Variants in LRMDA observed in about 807,000 individuals in gnomAD.
LRMDA encodes leucine-rich melanocyte differentiation-associated protein.
A neutral mutation model predicts 29.8 loss-of-function variants in LRMDA; 18 were observed. The observed-to-expected ratio is 0.60, with a 90% CI of 0.42 to 0.90. The LOEUF is 0.90. Among genes scored for constraint, LRMDA ranks in the 40% least tolerant of loss-of-function variants. The pLI is 0.00. For synonymous variants in LRMDA, 125 were observed against 109.4 expected (o/e 1.14, Z -0.89); for missense variants, 273 against 273.9 (o/e 1.00, Z 0.02).
At position 76,558,058 on chromosome 10, in the gene LRMDA, CT is replaced by C. The variant is rs1243113713; in HGVS notation, c.*771del. ...TTCAACTCTAAATCCACTTCTTGCC[CT>C]GAATATGATGCAGTGTAAGGCATAA... On this transcript the variant is annotated 3_prime_UTR_variant, in exon 7 of 7. Coordinates refer to ENST00000611255, the MANE Select transcript of LRMDA (RefSeq NM_001305581.2). 1 of 152,208 alleles carries C rather than the reference CT, an allele frequency of 6.6e-6. No individual in the cohort carries two copies. 9.4% of individuals were successfully genotyped at this position (152,208 alleles called of 1,614,324 possible). A position where few individuals can be genotyped will look rare whatever the true frequency, so the allele number is the denominator to read the frequency against.
intron 2 of LRMDA, among the ~76,000 whole-genome samples, chr10:76,001,582 TTC>T (rs1468197289): frequency 6.6e-6 from 1 of 152,158 alleles, no homozygotes; most frequent in African/African-American, 2.4e-5. Flanking sequence ...AATATAATGT[TTC>T]TTTCTGTTGA....
chr10:75,987,444 A>G (rs558923006), intron 2 of LRMDA, among the ~76,000 whole-genome samples: 1 of 152,360 alleles, frequency 6.6e-6, no homozygotes, highest in East Asian at 1.9e-4. Flanking sequence ...AACACAGAAC[A>G]TTTCCAGACA....
chr10:75,938,637 G>A (rs1022065016), intron 2 of LRMDA, among the ~76,000 whole-genome samples: 1 of 152,084 alleles, frequency 6.6e-6, no homozygotes, highest in Non-Finnish European at 1.5e-5. Flanking sequence ...TGTCTATAGC[G>A]GCAAGATGAT....
chr10:75,621,247 A>C lies in LRMDA; in HGVS notation c.131+182753A>C, dbSNP rs555572758. On this transcript the variant is annotated intron_variant, in intron 2 of 6. Transcript: ENST00000611255. ...ACACCCACACACCCACACACACACC[A>C]CATTTTCTTTATCCACTCATTGATT... Among the ~76,000 whole-genome samples, 41 of 149,662 alleles carry C rather than the reference A, an allele frequency of 2.7e-4. No individual in the cohort carries two copies. In the South Asian group the frequency reaches 8.8e-3, roughly 32 times the overall value.
At chr10:75,923,833 C>T (rs140792763) in intron 2 of LRMDA, among the ~76,000 whole-genome samples, 1,829 of 152,234 alleles carry the variant, frequency 0.012, 27 homozygotes, top group Non-Finnish European at 0.019. Context: ...TCCCTTACCC[C>T]CTTGCATTGG....
chr10:76,153,557 A>C (rs192416256), intron 5 of LRMDA, among the ~76,000 whole-genome samples: 12 of 152,294 alleles, frequency 7.9e-5, no homozygotes, highest in Non-Finnish European at 1.2e-4. Flanking sequence ...TCCCAGTATT[A>C]TATGTTGAAG....
intron 2 of LRMDA, among the ~76,000 whole-genome samples, chr10:75,770,133 A>G (rs1325479437): frequency 6.6e-6 from 1 of 151,996 alleles, no homozygotes; most frequent in Non-Finnish European, 1.5e-5. Context: ...TTTACAAAAA[A>G]TAAAAAAATT....
At chr10:76,286,904 G>A (rs1840278370) in intron 5 of LRMDA, among the ~76,000 whole-genome samples, 2 of 152,054 alleles carry the variant, frequency 1.3e-5, no homozygotes, top group Admixed American at 1.3e-4. Context: ...TTGACATGGG[G>A]GATCTATAGT....
At chr10:75,918,718 A>G (rs1459399722) in intron 2 of LRMDA, among the ~76,000 whole-genome samples, 1 of 152,234 alleles carries the variant, frequency 6.6e-6, no homozygotes, top group East Asian at 1.9e-4. Context: ...AATGTGGAGA[A>G]TCAAGCCAGG....
chr10:76,215,329 G>T (rs1291450468), intron 5 of LRMDA, among the ~76,000 whole-genome samples: 1 of 152,150 alleles, frequency 6.6e-6, no homozygotes, highest in Non-Finnish European at 1.5e-5. Flanking sequence ...GTACCTTGCT[G>T]TATCTGAGAT....
chr10:76,486,286 T>A (rs1389408856), intron 6 of LRMDA, among the ~76,000 whole-genome samples: 2 of 151,930 alleles, frequency 1.3e-5, no homozygotes, highest in African/African-American at 2.4e-5. Context: ...GTCAATTAAG[T>A]TTGCACAGCC....
At chr10:75,821,984 A>T (rs1251613063) in intron 2 of LRMDA, among the ~76,000 whole-genome samples, 1 of 152,186 alleles carries the variant, frequency 6.6e-6, no homozygotes, top group Admixed American at 6.5e-5. Context: ...TAGCTACAGC[A>T]CTCAGTCAAG....
Position 76,128,182 on chromosome 10 carries a change from C to A in LRMDA, c.516+69399C>A, listed in dbSNP as rs1320816030. ...TCTAGATGGTAACAGGAAAAGCAGG[C>A]ATTTCCAGGTCGGGAAAAGCGGGTT... On this transcript the variant is annotated intron_variant, in intron 5 of 6. Coordinates refer to ENST00000611255, the MANE Select transcript of LRMDA (RefSeq NM_001305581.2). Among the ~76,000 whole-genome samples the A allele has an allele frequency of 2.6e-5, 4 of 152,276 alleles. No homozygotes were observed. In the South Asian group the frequency reaches 8.3e-4, roughly 32 times the overall value.
At chr10:76,517,059 C>T (rs1007847391) in intron 6 of LRMDA, among the ~76,000 whole-genome samples, 2 of 152,014 alleles carry the variant, frequency 1.3e-5, no homozygotes, top group Admixed American at 1.3e-4. Flanking sequence ...CAGAATGCAA[C>T]ACTGAAATAA....
At chr10:76,457,109 T>G (rs76008529) in intron 6 of LRMDA, among the ~76,000 whole-genome samples, 3,416 of 152,336 alleles carry the variant, frequency 0.022, 76 homozygotes, top group South Asian at 0.11. Flanking sequence ...TCCTTCAGGC[T>G]TCTCTTTACT....
intron 2 of LRMDA, among the ~76,000 whole-genome samples, chr10:75,583,849 C>G (rs1365183171): frequency 6.6e-6 from 1 of 152,154 alleles, no homozygotes; most frequent in Non-Finnish European, 1.5e-5. Flanking sequence ...CATCCCCACT[C>G]GAGGTGTTCT....
chr10:75,822,777 A>C (rs1256705495), intron 2 of LRMDA, among the ~76,000 whole-genome samples: 1 of 152,088 alleles, frequency 6.6e-6, no homozygotes, highest in East Asian at 1.9e-4. Context: ...CCAAAGCTGG[A>C]GTGCACTGGT....
intron 2 of LRMDA, among the ~76,000 whole-genome samples, chr10:75,981,565 G>C (rs2132449598): frequency 6.6e-6 from 1 of 152,262 alleles, no homozygotes; most frequent in African/African-American, 2.4e-5. Flanking sequence ...CTCTTTGAGA[G>C]TGAGTGGGCC....
At chr10:76,269,909 C>G (rs1163843382) in intron 5 of LRMDA, among the ~76,000 whole-genome samples, 1 of 152,216 alleles carries the variant, frequency 6.6e-6, no homozygotes, top group Non-Finnish European at 1.5e-5. Flanking sequence ...CTGTTTTTAA[C>G]ATCACCTAAT....
Sources: gnomAD v4.1 joint callset for allele counts (sites outside exome capture counted in the v4.1 genomes callset) on GRCh38, gnomAD v4.1.1 for gene constraint, MANE v1.5 for transcripts, NCBI Gene and HGNC (gene_info 2026-07-23, HGNC 2026-07-21) for gene names.